RAPGEF5: variants seen among roughly 807,000 people sequenced by gnomAD.
The protein encoded by RAPGEF5 is Rap guanine nucleotide exchange factor 5.
In RAPGEF5, 65 loss-of-function variants were observed where a neutral mutation model predicts 125.2. The observed-to-expected ratio is 0.52, with a 90% CI of 0.43 to 0.64. The LOEUF (loss-of-function observed/expected upper bound fraction) is 0.64, where lower values mean the gene tolerates loss of function less well. RAPGEF5 is among the 30% of genes least tolerant of loss of function. The pLI is 0.00. For missense variants in RAPGEF5, 958 were observed against 1,048.1 expected (o/e 0.91, Z 1.19); for synonymous variants, 391 against 385.9 (o/e 1.01, Z -0.16).
At chr7:22,257,251 T>C (rs1204589465) in intron 7 of RAPGEF5, among the ~76,000 whole-genome samples, 1 of 152,202 alleles carries the variant, frequency 6.6e-6, no homozygotes, top group Non-Finnish European at 1.5e-5. Flanking sequence ...TATATTAGCT[T>C]ATTTTTCTTC....
chr7:22,189,483 C>A lies in RAPGEF5; in HGVS notation c.1204+3884G>T, dbSNP rs193017563. Among the ~76,000 whole-genome samples the A allele has an allele frequency of 1.2e-3, 184 of 152,286 alleles. 1 individual carries two copies. Among genetic ancestry groups the A allele is most frequent in the Non-Finnish European group, 1.4e-3 (93 of 68,016 alleles). ...CTGGCTGGGCCCAAACCTGCTCCCC[C>A]ATCCCTTCAACTCCTCTAACTCACA... On this transcript the variant is annotated intron_variant, in intron 11 of 25. Transcript: ENST00000665637.
chr7:22,150,705 C>T (rs116174579), intron 17 of RAPGEF5, among the ~76,000 whole-genome samples: 3,610 of 152,220 alleles, frequency 0.024, 52 homozygotes, highest in Middle Eastern at 0.065. Context: ...CACTGCTCAG[C>T]GGTCAGAAAG....
chr7:22,249,400 G>C (rs1786561783), intron 7 of RAPGEF5, among the ~76,000 whole-genome samples: 1 of 151,976 alleles, frequency 6.6e-6, no homozygotes, highest in Non-Finnish European at 1.5e-5. Context: ...ATGTTGGCCA[G>C]GCTGGTCTCA....
At chr7:22,136,011 A>G in intron 23 of RAPGEF5, 27 bp downstream of exon 23, 2 of 1,522,534 alleles carry the variant, frequency 1.3e-6, no homozygotes, top group South Asian at 1.2e-5. Flanking sequence ...ATGAAATTAC[A>G]TGGCATAAAA....
intron 2 of RAPGEF5, among the ~76,000 whole-genome samples, chr7:22,317,488 C>T (rs2128155006): frequency 6.6e-6 from 1 of 152,132 alleles, no homozygotes; most frequent in Middle Eastern, 3.4e-3. Flanking sequence ...GATCTGCCCA[C>T]CTCAGCCTCC....
intron 18 of RAPGEF5, among the ~76,000 whole-genome samples, 197 bp downstream of exon 18, chr7:22,150,210 G>C (rs140788984): frequency 2.7e-3 from 407 of 151,156 alleles, no homozygotes; most frequent in African/African-American, 8.7e-3. Flanking sequence ...ACACACCTAG[G>C]GACAACAGGT....
At position 22,129,255 on chromosome 7, in the gene RAPGEF5, A is replaced by G. The variant is rs977805701; in HGVS notation, c.2481+1782T>C. 7.9e-5 allele frequency among the ~76,000 whole-genome samples: 12 copies of G among 152,254 alleles called. No individual in the cohort carries two copies. The South Asian group carries it at 1.9e-3, about 24-fold the overall frequency. Reference sequence around the variant, plus strand: ...TCACTGGTTCACTTTAGGGAGGTCAACCTCACGTCTGCCCTCAACAACAGG... The same window carrying G: ...TCACTGGTTCACTTTAGGGAGGTCAGCCTCACGTCTGCCCTCAACAACAGG... On this transcript the variant is annotated intron_variant, in intron 24 of 25. Coordinates refer to ENST00000665637, the MANE Select transcript of RAPGEF5 (RefSeq NM_012294.5).
At chr7:22,237,091 G>A (rs757550361) in intron 7 of RAPGEF5, among the ~76,000 whole-genome samples, 11 of 152,128 alleles carry the variant, frequency 7.2e-5, no homozygotes, top group Non-Finnish European at 8.8e-5. Flanking sequence ...CTTGTCCACC[G>A]GGCTCCCCAG....
intron 1 of RAPGEF5, among the ~76,000 whole-genome samples, chr7:22,335,248 A>C (rs902054551): frequency 6.6e-6 from 1 of 152,220 alleles, no homozygotes; most frequent in South Asian, 2.1e-4. Flanking sequence ...AGTGGATTTC[A>C]TGTGATCAGC....
chr7:22,218,759 A>G (rs1265924819), intron 9 of RAPGEF5, among the ~76,000 whole-genome samples: 1 of 152,208 alleles, frequency 6.6e-6, no homozygotes, highest in Non-Finnish European at 1.5e-5. Flanking sequence ...AGTTCCAAGC[A>G]AAGTGAAGGT....
At chr7:22,348,075 G>C (rs900406526) in intron 1 of RAPGEF5, among the ~76,000 whole-genome samples, 2 of 152,166 alleles carry the variant, frequency 1.3e-5, no homozygotes, top group African/African-American at 4.8e-5. Context: ...CTTTCTGGAA[G>C]GCAAGTTAGA....
At chr7:22,290,327 G>C (rs796625642) in intron 6 of RAPGEF5, among the ~76,000 whole-genome samples, 1 of 152,208 alleles carries the variant, frequency 6.6e-6, no homozygotes, top group Non-Finnish European at 1.5e-5. Context: ...GTTTGGTGAC[G>C]TAGGATTGCT....
intron 1 of RAPGEF5, among the ~76,000 whole-genome samples, chr7:22,355,768 G>A (rs777174584): frequency 6.6e-6 from 1 of 152,124 alleles, no homozygotes; most frequent in Non-Finnish European, 1.5e-5. Flanking sequence ...CCAAAGGAGG[G>A]CGCATGAAAA....
chr7:22,157,621 A>G (rs1210532666), intron 15 of RAPGEF5, among the ~76,000 whole-genome samples: 1 of 152,232 alleles, frequency 6.6e-6, no homozygotes, highest in Non-Finnish European at 1.5e-5. Context: ...AATGCACCAC[A>G]AAATCAGCAG....
intron 3 of RAPGEF5, among the ~76,000 whole-genome samples, chr7:22,312,408 C>G (rs1783493582): frequency 6.6e-6 from 1 of 152,118 alleles, no homozygotes; most frequent in Admixed American, 6.5e-5. Flanking sequence ...GGGGTTTCAT[C>G]ATGTTGGCCA....
chr7:22,150,320 G>A lies in RAPGEF5; in HGVS notation c.1884+87C>T, dbSNP rs564682953. 418 of 1,343,394 alleles carry A rather than the reference G, an allele frequency of 3.1e-4. No homozygotes were observed. The highest frequency in any genetic ancestry group is 6.3e-4 in the Admixed American group (28 of 44,386). The allele number at this position is 1,343,394 out of a possible 1,614,324, so 83.2% of individuals were successfully genotyped here. A position where few individuals can be genotyped will look rare whatever the true frequency, so the allele number is the denominator to read the frequency against. ...ACTTCTGAGCTCAAGCCATCTTCCT[G>A]CCTTGGCCTCCCAAAGTGCTCAGAT... is the stretch of plus-strand genomic sequence containing the variant. On this transcript the variant is annotated intron_variant, in intron 18 of 25. Transcript: ENST00000665637.
At chr7:22,300,753 C>T (rs1057104499) in intron 5 of RAPGEF5, among the ~76,000 whole-genome samples, 3 of 152,236 alleles carry the variant, frequency 2.0e-5, no homozygotes, top group Non-Finnish European at 4.4e-5. Context: ...AAACCAAACA[C>T]TCCTTGTCTA....
intron 7 of RAPGEF5, among the ~76,000 whole-genome samples, chr7:22,231,428 C>A (rs990281495): frequency 6.6e-6 from 1 of 152,122 alleles, no homozygotes; most frequent in Non-Finnish European, 1.5e-5. Context: ...CTATCCAAGC[C>A]CTTATCACCC....
intron 7 of RAPGEF5, among the ~76,000 whole-genome samples, chr7:22,263,231 A>G (rs75536655): frequency 0.047 from 7,211 of 152,234 alleles, 213 homozygotes; most frequent in South Asian, 0.073. Context: ...GAAAATGTTA[A>G]TGTTCTGGTT....
Sources: allele counts gnomAD v4.1 joint callset (sites outside exome capture counted in the v4.1 genomes callset), GRCh38; gene constraint gnomAD v4.1.1; transcripts MANE v1.5; gene names NCBI Gene and HGNC (gene_info 2026-07-23, HGNC 2026-07-21).